The following XRCC5 variants were observed in gnomAD, a reference collection of about 807,000 sequenced individuals.
XRCC5 encodes X-ray repair cross complementing 5.
XRCC5 carries 12 observed loss-of-function variants against 95.7 expected under a neutral mutation model. The ratio of observed to expected loss-of-function variants is 0.13; its 90% CI spans 0.08 to 0.20. The LOEUF is 0.20. Among genes scored for constraint, XRCC5 ranks in the 10% least tolerant of loss-of-function variants. The probability of loss-of-function intolerance (pLI) is 1.00; values close to 1 mark genes in which losing one functional copy is unlikely to be tolerated. For synonymous variants in XRCC5, 281 were observed against 290.3 expected, an observed-to-expected ratio of 0.97 and a Z score of 0.33; for missense variants, 595 against 873.9, an observed-to-expected ratio of 0.68 and a Z score of 4.02.
chr2:216,152,361 A>G (rs1447816822), intron 14 of XRCC5, among the ~76,000 whole-genome samples: 1 of 152,058 alleles, frequency 6.6e-6, no homozygotes, highest in South Asian at 2.1e-4. Flanking sequence ...AATTGCTTGA[A>G]CCTAGGAGGC....
chr2:216,175,739 T>G, intron 16 of XRCC5: 1 of 451,940 alleles, frequency 2.2e-6, no homozygotes, highest in East Asian at 5.9e-5. Flanking sequence ...CCTTGTGTGG[T>G]CAAGCACACA....
At chr2:216,154,591 C>G (rs538364916) in intron 14 of XRCC5, among the ~76,000 whole-genome samples, 41 of 152,308 alleles carry the variant, frequency 2.7e-4, no homozygotes, top group African/African-American at 9.4e-4. Flanking sequence ...AAAAAACAAA[C>G]CTGATCCCAT....
At chr2:216,121,102 A>G (rs1193387774) in intron 5 of XRCC5, among the ~76,000 whole-genome samples, 1 of 152,174 alleles carries the variant, frequency 6.6e-6, no homozygotes, top group Non-Finnish European at 1.5e-5. Context: ...AATAGACAGA[A>G]CAGTTATTAT....
chr2:216,132,331 A>C lies in XRCC5; in HGVS notation c.1057A>C (p.Arg353=). The C allele has an allele frequency of 6.2e-7, 1 of 1,613,980 alleles. No individual in the cohort carries two copies. The highest frequency in any genetic ancestry group is 8.5e-7 in the Non-Finnish European group (1 of 1,179,870). ...LGFCKSSQVQ[R]RFFMGNQVLK... ...TTCTTTTCCTCTCTTGTAGGTTCAG[A>C]GAAGATTCTTCATGGGAAATCAAGT... The change falls in exon 10 of 21, where the codon AGA becomes CGA. Residue 353 remains arginine (R), a synonymous_variant. Transcript: ENST00000392132.
intron 16 of XRCC5, among the ~76,000 whole-genome samples, chr2:216,186,461 T>C (rs1689493894): frequency 6.6e-6 from 1 of 152,248 alleles, no homozygotes; most frequent in African/African-American, 2.4e-5. Flanking sequence ...ACTGAAGTAT[T>C]GTATTGAGAT....
intron 16 of XRCC5, among the ~76,000 whole-genome samples, chr2:216,181,070 C>T (rs1689376835): frequency 6.6e-6 from 1 of 152,062 alleles, no homozygotes; most frequent in African/African-American, 2.4e-5. Flanking sequence ...GCCTCGGCCT[C>T]CCAAAGTGCT....
intron 16 of XRCC5, among the ~76,000 whole-genome samples, chr2:216,166,888 GA>G (rs1689063366): frequency 6.6e-6 from 1 of 152,132 alleles, no homozygotes; most frequent in Admixed American, 6.5e-5. Context: ...AGGATCTTAA[GA>G]GCCAGAAAGG....
chr2:216,152,330 C>T (rs1009867840), intron 14 of XRCC5, among the ~76,000 whole-genome samples: 1 of 152,064 alleles, frequency 6.6e-6, no homozygotes, highest in Non-Finnish European at 1.5e-5. Context: ...AATCCAGCCA[C>T]TCGGGAGGCT....
Position 216,190,269 on chromosome 2 carries a change from A to C in XRCC5, c.1879A>C (p.Asn627His). The C allele has an allele frequency of 1.2e-6, 2 of 1,614,040 alleles. No homozygotes were observed. Among genetic ancestry groups the C allele is most frequent in the East Asian group, 2.2e-5 (1 of 44,884 alleles). Residue 627 changes from asparagine to histidine, a missense_variant, in exon 17 of 21, where the codon AAT becomes CAT. By Grantham distance (68) the Asn-to-His change is moderately conservative. Around this residue, in one of 2 missense-constraint regions of XRCC5, gnomAD observed 309 missense variants for 382.9 expected, o/e 0.81. Coordinates refer to ENST00000392132, the MANE Select transcript of XRCC5 (RefSeq NM_021141.4). ...TCACATCGAACAGTTTTTGGATACT[A>C]ATGAAACACCGTATTTTATGAAGAG... ...INHIEQFLDT[N>H]ETPYFMKSID... is the part of the protein sequence containing the mutation.
At chr2:216,120,073 T>C (rs536493095) in intron 5 of XRCC5, among the ~76,000 whole-genome samples, 23 of 151,744 alleles carry the variant, frequency 1.5e-4, no homozygotes, top group Middle Eastern at 3.4e-3. Context: ...GTGAGTAGTC[T>C]TCTCTTAAGA....
chr2:216,140,948 G>A (rs911676821), intron 12 of XRCC5, among the ~76,000 whole-genome samples: 2 of 152,088 alleles, frequency 1.3e-5, no homozygotes, highest in African/African-American at 4.8e-5. Context: ...ATACTCCATT[G>A]TCAGAGGCTC....
intron 16 of XRCC5, among the ~76,000 whole-genome samples, chr2:216,177,725 T>G (rs771987294): frequency 1.3e-5 from 2 of 152,230 alleles, no homozygotes; most frequent in Non-Finnish European, 2.9e-5. Context: ...TCCTTTCATT[T>G]GTTTCTTCTT....
chr2:216,125,900 T>C lies in XRCC5; in HGVS notation c.684-17T>C, dbSNP rs1013633739. 13 of 1,598,954 alleles carry C rather than the reference T, an allele frequency of 8.1e-6. No homozygotes were observed. In the Admixed American group the frequency reaches 2.2e-4, roughly 27 times the overall value. On this transcript the variant is annotated splice_polypyrimidine_tract_variant and intron_variant, in intron 6 of 20. Coordinates refer to ENST00000392132, the MANE Select transcript of XRCC5 (RefSeq NM_021141.4). The stretch of plus-strand genomic sequence containing the variant: ...TTTAAAAATTGTTGCTTTCATTTTA[T>C]ATTTTTCTTTATTAAGTGAGAGTCT...
chr2:216,116,817 C>T lies in XRCC5; in HGVS notation c.294C>T (p.Ile98=). The T allele has an allele frequency of 3.7e-6, 6 of 1,614,102 alleles. No individual in the cohort carries two copies. Among genetic ancestry groups the T allele is most frequent in the Non-Finnish European group, 4.2e-6 (5 of 1,179,998 alleles). ...TGCTGGAGGACATTGAAAGCAAAAT[C>T]CAACCAGGTTCTCAACAGGCTGACT... The part of the protein sequence containing the change: ...FDLLEDIESK[I]QPGSQQADFL... The change falls in exon 3 of 21, where the codon ATC becomes ATT. Residue 98 remains isoleucine, a synonymous_variant. Transcript: ENST00000392132.
chr2:216,132,202 G>C (rs1697006616), intron 9 of XRCC5, 123 bp from the exon 10 acceptor site: 1 of 825,202 alleles, frequency 1.2e-6, no homozygotes, highest in East Asian at 2.6e-5. Flanking sequence ...AGGTAATAAG[G>C]TGTTTTTAGT....
At chr2:216,175,263 C>T (rs917322360) in intron 16 of XRCC5, 7 of 422,314 alleles carry the variant, frequency 1.7e-5, no homozygotes, top group African/African-American at 1.4e-4. Flanking sequence ...CCTCCATAAC[C>T]ACCTCTGCTG....
chr2:216,160,185 C>A (rs1179675473), intron 15 of XRCC5, 24 bp downstream of exon 15: 3 of 1,530,486 alleles, frequency 2.0e-6, no homozygotes, highest in East Asian at 4.7e-5. Context: ...TTCAAGTGCG[C>A]TTCCCCCTTT....
At chr2:216,143,966 G>T (rs1157627813) in intron 13 of XRCC5, among the ~76,000 whole-genome samples, 2 of 151,706 alleles carry the variant, frequency 1.3e-5, no homozygotes, top group East Asian at 1.9e-4. Context: ...CGCCCGCCTC[G>T]GCCTCCCCAA....
Position 216,109,426 on chromosome 2 carries a change from G to C in XRCC5, c.-11G>C. ...CGGAAGAAGCGACCAAAGCGCCTGA[G>C]GACCGGCAACATGGTGCGGTCGGGG... On this transcript the variant is annotated 5_prime_UTR_variant, in exon 1 of 21. Transcript: ENST00000392132. 3 of 1,614,034 alleles carry C rather than the reference G, an allele frequency of 1.9e-6. No homozygotes were observed. The highest frequency in any genetic ancestry group is 2.5e-6 in the Non-Finnish European group (3 of 1,179,958).
Sources: gnomAD v4.1 joint callset for allele counts (sites outside exome capture counted in the v4.1 genomes callset) on GRCh38, gnomAD v4.1.1 for gene constraint, gnomAD v4.1.1 regional missense constraint, MANE v1.5 for transcripts, NCBI Gene and HGNC (gene_info 2026-07-23, HGNC 2026-07-21) for gene names.